The following CFAP61 variants were observed in gnomAD, a reference collection of about 807,000 sequenced individuals.
CFAP61 encodes cilia and flagella associated protein 61, also known as cilia- and flagella-associated protein 61.
A neutral mutation model predicts 135.6 loss-of-function variants in CFAP61; 107 were observed. The observed-to-expected ratio is 0.79, with a 90% confidence interval of 0.67 to 0.93. CFAP61 has a LOEUF of 0.93. CFAP61 is among the 40% of genes least tolerant of loss of function. CFAP61 has a pLI of 0.00. For synonymous variants in CFAP61, 575 were observed against 578.5 expected (o/e 0.99, Z 0.09); for missense variants, 1,507 against 1,556.2 (o/e 0.97, Z 0.53).
chr20:20,134,899 A>G (rs1253444115), intron 8 of CFAP61, among the ~76,000 whole-genome samples: 1 of 152,158 alleles, frequency 6.6e-6, no homozygotes, highest in African/African-American at 2.4e-5. Flanking sequence ...ACAGGTGCCT[A>G]TTAAAGTAGA....
rs201328396 is a variant in CFAP61 at position 20,277,291 on chromosome 20, A to C, written c.2629A>C (p.Ile877Leu). 4 of 1,614,132 alleles carry C rather than the reference A, an allele frequency of 2.5e-6. No homozygotes were observed. Among genetic ancestry groups the C allele is most frequent in the Non-Finnish European group, 3.4e-6 (4 of 1,180,024 alleles). The change falls in exon 22 of 27, where the codon ATC (isoleucine) becomes CTC (leucine). Residue 877 changes from isoleucine to leucine, a missense_variant. By Grantham distance (5) the Ile-to-Leu change is conservative. Transcript: ENST00000245957. ...QPPPASTITC[I>L]NNYSVESAVA... ...CCCGCCCGCCTCCACCATCACCTGCATCAACAACTACTCGGTGGAGAGCGC... is the reference window on the plus strand; with the variant it reads ...CCCGCCCGCCTCCACCATCACCTGCCTCAACAACTACTCGGTGGAGAGCGC...
chr20:20,121,408 ACT>A (rs1465126074), intron 8 of CFAP61, among the ~76,000 whole-genome samples: 1 of 151,338 alleles, frequency 6.6e-6, no homozygotes, highest in East Asian at 1.9e-4. Context: ...CGTGCTCAAC[ACT>A]CTATGTCTTT....
chr20:20,355,875 T>A (rs1325666520), intron 26 of CFAP61, among the ~76,000 whole-genome samples: 12 of 144,384 alleles, frequency 8.3e-5, no homozygotes, highest in African/African-American at 3.2e-4. Flanking sequence ...AGTCACACTG[T>A]GAGGGGAGGT....
intron 9 of CFAP61, among the ~76,000 whole-genome samples, chr20:20,150,245 C>G (rs1343241175): frequency 3.3e-5 from 5 of 152,096 alleles, no homozygotes; most frequent in Non-Finnish European, 5.9e-5. Flanking sequence ...CTGCCTATTC[C>G]TACCCACACC....
intron 17 of CFAP61, among the ~76,000 whole-genome samples, chr20:20,203,708 A>G (rs574743772): frequency 6.6e-6 from 1 of 152,236 alleles, no homozygotes; most frequent in East Asian, 1.9e-4. Flanking sequence ...GCTGCCTTAC[A>G]CTTATTTTGA....
chr20:20,185,428 G>A (rs75831413), intron 13 of CFAP61, among the ~76,000 whole-genome samples: 1,535 of 152,250 alleles, frequency 0.01, 24 homozygotes, highest in African/African-American at 0.035. Flanking sequence ...TTGAGAAGTC[G>A]TTCCATTCTT....
intron 22 of CFAP61, among the ~76,000 whole-genome samples, chr20:20,286,303 A>T (rs1569243493): frequency 6.6e-6 from 1 of 152,234 alleles, no homozygotes; most frequent in East Asian, 1.9e-4. Context: ...TCCAGCCTCC[A>T]GCCAGGTTAG....
intron 25 of CFAP61, among the ~76,000 whole-genome samples, chr20:20,318,619 C>CT (rs1369204569): frequency 1.3e-5 from 2 of 152,176 alleles, no homozygotes; most frequent in Non-Finnish European, 2.9e-5. Context: ...GAGTCCCAGG[C>CT]TTATGCATCT....
chr20:20,310,129 G>A (rs948140134), intron 25 of CFAP61, among the ~76,000 whole-genome samples: 3 of 152,106 alleles, frequency 2.0e-5, no homozygotes, highest in Non-Finnish European at 2.9e-5. Context: ...TGAGTAGCTG[G>A]GTAGCAGGCA....
At chr20:20,078,718 G>A (rs546813984) in intron 6 of CFAP61, among the ~76,000 whole-genome samples, 15 of 152,058 alleles carry the variant, frequency 9.9e-5, no homozygotes, top group Non-Finnish European at 2.1e-4. Flanking sequence ...AGAAGAGAGG[G>A]AGAGGAATAC....
At chr20:20,243,730 C>T (rs573236289) in intron 18 of CFAP61, among the ~76,000 whole-genome samples, 27 of 152,274 alleles carry the variant, frequency 1.8e-4, no homozygotes, top group Non-Finnish European at 3.5e-4. Flanking sequence ...AGCCACCATG[C>T]CTGGCCCCCC....
intron 26 of CFAP61, among the ~76,000 whole-genome samples, chr20:20,343,700 T>A (rs189636110): frequency 1.7e-3 from 265 of 152,272 alleles, no homozygotes; most frequent in Admixed American, 4.8e-3. Flanking sequence ...GCCCTTCGTT[T>A]CCAAGTGATC....
chr20:20,109,504 A>G (rs1188359216), intron 8 of CFAP61, among the ~76,000 whole-genome samples: 1 of 152,022 alleles, frequency 6.6e-6, no homozygotes, highest in Non-Finnish European at 1.5e-5. Flanking sequence ...GCCTCTGGTA[A>G]TTGCTGTGCG....
intron 8 of CFAP61, among the ~76,000 whole-genome samples, chr20:20,099,593 G>C (rs539751477): frequency 6.6e-6 from 1 of 151,796 alleles, no homozygotes; most frequent in East Asian, 2.0e-4. Flanking sequence ...GGGGGGTTGT[G>C]AAGTTTCACT....
At chr20:20,052,849 C>A in intron 1 of CFAP61, 2 of 863,642 alleles carry the variant, frequency 2.3e-6, no homozygotes, top group South Asian at 1.7e-5. Context: ...TGCAATGCCT[C>A]GAGCATTGCA....
intron 25 of CFAP61, among the ~76,000 whole-genome samples, chr20:20,303,687 G>A (rs1393136466): frequency 6.6e-6 from 1 of 152,104 alleles, no homozygotes; most frequent in Non-Finnish European, 1.5e-5. Flanking sequence ...TATGATTACC[G>A]ATTGATTTCC....
At chr20:20,157,727 A>G (rs1055541864) in intron 9 of CFAP61, among the ~76,000 whole-genome samples, 2 of 152,222 alleles carry the variant, frequency 1.3e-5, no homozygotes, top group African/African-American at 4.8e-5. Context: ...TTTCTTAGAA[A>G]CAACATTAAA....
chr20:20,266,255 T>C (rs1227545881), intron 21 of CFAP61, among the ~76,000 whole-genome samples: 1 of 152,240 alleles, frequency 6.6e-6, no homozygotes, highest in Non-Finnish European at 1.5e-5. Flanking sequence ...TTGAGTTTCA[T>C]TGCTGGGCTT....
At chr20:20,341,359 G>A (rs765165536) in intron 25 of CFAP61, among the ~76,000 whole-genome samples, 6 of 152,132 alleles carry the variant, frequency 3.9e-5, no homozygotes, top group Non-Finnish European at 8.8e-5. Flanking sequence ...ATTAAGCGTC[G>A]ATGCAACCGT....
Sources: gnomAD v4.1 joint callset for allele counts (sites outside exome capture counted in the v4.1 genomes callset) on GRCh38, gnomAD v4.1.1 for gene constraint, MANE v1.5 for transcripts, NCBI Gene and HGNC (gene_info 2026-07-23, HGNC 2026-07-21) for gene names.